NRG4: variants seen among roughly 807,000 people sequenced by gnomAD.
NRG4 encodes the protein pro-neuregulin-4, membrane-bound isoform.
A neutral mutation model predicts 15.0 loss-of-function variants in NRG4; 10 were observed. That is an observed-to-expected ratio of 0.67 (90% CI 0.41 to 1.13). NRG4 has a LOEUF of 1.13. NRG4 is among the 50% of genes most tolerant of loss of function. The pLI, the probability that NRG4 is intolerant of heterozygous loss-of-function variation, is 0.00. For missense variants in NRG4, 139 were observed against 140.2 expected (o/e 0.99, Z 0.04); for synonymous variants, 41 against 50.1 (o/e 0.82, Z 0.77).
chr15:75,955,845 G>A lies in NRG4; in HGVS notation c.331+87C>T, dbSNP rs747661150. ...AGTTTAGGCTCAACCTTTTTTTTCT[G>A]GATAGATCTAAATACAAATCCCTAC... On this transcript the variant is annotated intron_variant, in intron 5 of 5. Coordinates refer to ENST00000394907, the MANE Select transcript of NRG4 (RefSeq NM_138573.4). 260 of 749,062 alleles carry A rather than the reference G, an allele frequency of 3.5e-4. 3 individuals carry two copies. The highest frequency in any genetic ancestry group is 2.4e-3 in the South Asian group (128 of 53,034). 46.4% of individuals were successfully genotyped at this position (749,062 alleles called of 1,614,324 possible).
intron 3 of NRG4, among the ~76,000 whole-genome samples, chr15:75,998,468 C>A (rs1224383949): frequency 1.3e-5 from 2 of 152,054 alleles, no homozygotes; most frequent in Non-Finnish European, 2.9e-5. Context: ...AAAGGCCAGG[C>A]CAACACCTTA....
chr15:76,029,848 C>T (rs2035424815), intron 5 of NRG4, among the ~76,000 whole-genome samples: 1 of 152,134 alleles, frequency 6.6e-6, no homozygotes, highest in Admixed American at 6.6e-5. Context: ...TCATACTACC[C>T]AAGGAAACCT....
chr15:76,052,318 G>A (rs1347392979), intron 3 of NRG4: 1 of 151,124 alleles, frequency 6.6e-6, no homozygotes, highest in Non-Finnish European at 1.5e-5. Flanking sequence ...TTTTTAGTAA[G>A]AAGCAGAAGT....
chr15:76,003,841 G>A (rs2034500548), intron 3 of NRG4, among the ~76,000 whole-genome samples: 1 of 152,018 alleles, frequency 6.6e-6, no homozygotes, highest in South Asian at 2.1e-4. Flanking sequence ...TATCCAACAA[G>A]CAGTCCTTCA....
chr15:76,004,848 C>T lies in NRG4; in HGVS notation c.104+4352G>A, dbSNP rs751244396. Among the ~76,000 whole-genome samples the T allele has an allele frequency of 5.9e-5, 9 of 152,032 alleles. No homozygotes were observed. The South Asian group carries it at 6.2e-4, about 11-fold the overall frequency. Reference sequence around the variant, plus strand: ...ACTAGAGGCATTTTAGATCTAAAGGCACAAATACAGTTGACCCTTGAACGA... The same window carrying T: ...ACTAGAGGCATTTTAGATCTAAAGGTACAAATACAGTTGACCCTTGAACGA... On this transcript the variant is annotated intron_variant, in intron 3 of 5. Coordinates refer to ENST00000394907, the MANE Select transcript of NRG4 (RefSeq NM_138573.4).
intron 5 of NRG4, among the ~76,000 whole-genome samples, chr15:76,026,771 C>A (rs1446619560): frequency 1.3e-5 from 2 of 152,136 alleles, no homozygotes; most frequent in Non-Finnish European, 2.9e-5. Context: ...AATAACCTTG[C>A]ATGCCAATGG....
At chr15:75,979,531 G>A (rs1159012899) in intron 3 of NRG4, among the ~76,000 whole-genome samples, 1 of 152,028 alleles carries the variant, frequency 6.6e-6, no homozygotes, top group Non-Finnish European at 1.5e-5. Flanking sequence ...ATTAAAATCT[G>A]TTATAAAAGT....
intron 4 of NRG4, chr15:75,959,150 TAAA>T: frequency 2.7e-6 from 1 of 372,914 alleles, no homozygotes; most frequent in Non-Finnish European, 5.4e-6. Context: ...CCTGGATAAT[TAAA>T]AAAAAAAATT....
intron 2 of NRG4, among the ~76,000 whole-genome samples, chr15:76,055,214 C>T (rs774926823): frequency 4.6e-5 from 7 of 152,136 alleles, no homozygotes; most frequent in African/African-American, 1.7e-4. Flanking sequence ...ACGGCGGAGG[C>T]GGAGGCTACA....
At position 75,940,963 on chromosome 15, in the gene NRG4, T is replaced by C. The variant is rs2030893534; in HGVS notation, c.*2675A>G. ...GGCAAATTATACTTCATTAAAATTT[T>C]GTGCATCAAAGAACACTATCAACAG... On this transcript the variant is annotated 3_prime_UTR_variant, in exon 6 of 6. Transcript: ENST00000394907. The C allele has an allele frequency of 6.6e-6, 1 of 152,170 alleles. No individual in the cohort carries two copies. The highest frequency in any genetic ancestry group is 6.5e-5 in the Admixed American group (1 of 15,280). 9.4% of individuals were successfully genotyped at this position (152,170 alleles called of 1,614,324 possible). A position where few individuals can be genotyped will look rare whatever the true frequency, so the allele number is the denominator to read the frequency against.
At chr15:76,006,840 C>T (rs1455550586) in intron 3 of NRG4, among the ~76,000 whole-genome samples, 1 of 152,142 alleles carries the variant, frequency 6.6e-6, no homozygotes, top group Non-Finnish European at 1.5e-5. Flanking sequence ...GGTTTCTTTC[C>T]ATTTTAATGA....
At chr15:75,997,990 A>G (rs928949512) in intron 3 of NRG4, among the ~76,000 whole-genome samples, 10 of 152,232 alleles carry the variant, frequency 6.6e-5, no homozygotes, top group African/African-American at 2.4e-4. Flanking sequence ...GGCTAATTCT[A>G]CCCAGAAAAG....
chr15:75,973,421 G>C (rs773860417), intron 3 of NRG4, among the ~76,000 whole-genome samples: 6 of 152,204 alleles, frequency 3.9e-5, no homozygotes, highest in Non-Finnish European at 8.8e-5. Flanking sequence ...GGAGTAGTGA[G>C]AGAGGGCATC....
intron 3 of NRG4, among the ~76,000 whole-genome samples, chr15:75,984,155 TACA>T (rs1232158076): frequency 1.3e-5 from 2 of 152,292 alleles, no homozygotes; most frequent in East Asian, 1.9e-4. Context: ...CCATAGAATG[TACA>T]ACACCATCGG....
At chr15:75,958,255 G>A (rs1001615137) in intron 4 of NRG4, among the ~76,000 whole-genome samples, 28 of 151,932 alleles carry the variant, frequency 1.8e-4, no homozygotes, top group Non-Finnish European at 2.5e-4. Flanking sequence ...CTTGTGATCC[G>A]CCCTCCTCGG....
rs2035823160 is a variant in NRG4, at chr15:76,044,537, C to T, written c.-105+7530G>A. ...AAACTCTCTAGGACATTGGAGTGGGCAAAGATTTCTTGAGTAGGCCGGGTG... is the reference window on the plus strand; with the variant it reads ...AAACTCTCTAGGACATTGGAGTGGGTAAAGATTTCTTGAGTAGGCCGGGTG... On this transcript the variant is annotated intron_variant, in intron 4 of 8. Coordinates refer to the NRG4 transcript ENST00000563910. 1.3e-5 allele frequency among the ~76,000 whole-genome samples: 2 copies of T among 150,076 alleles called. 1 individual carries two copies. Among genetic ancestry groups the T allele is most frequent in the African/African-American group, 5.0e-5 (2 of 40,028 alleles).
rs551065695 is a variant in NRG4, at chr15:75,954,259, T to G, written c.331+1673A>C. On this transcript the variant is annotated intron_variant, in intron 5 of 5. Transcript: ENST00000394907. ...GCTGTTAATACCATCCAGTTTTTGT[T>G]TTTTTGTTTTTTTTTTTTTGATCTC... 9.5e-3 allele frequency among the ~76,000 whole-genome samples: 1,420 copies of G among 149,296 alleles called. 21 individuals carry two copies. Among genetic ancestry groups the G allele is most frequent in the African/African-American group, 0.032 (1,275 of 39,822 alleles).
At chr15:76,043,546 C>A (rs2035796261) in intron 4 of NRG4, among the ~76,000 whole-genome samples, 1 of 152,078 alleles carries the variant, frequency 6.6e-6, no homozygotes, top group South Asian at 2.1e-4. Flanking sequence ...ATCCCATTTA[C>A]AATAGCTACA....
chr15:76,002,033 A>G (rs1224055487), intron 3 of NRG4, among the ~76,000 whole-genome samples: 1 of 152,232 alleles, frequency 6.6e-6, no homozygotes, highest in Non-Finnish European at 1.5e-5. Flanking sequence ...AGAAAGGATA[A>G]ATGAAATCTC....
Sources: gnomAD v4.1 joint callset for allele counts (sites outside exome capture counted in the v4.1 genomes callset) on GRCh38, gnomAD v4.1.1 for gene constraint, MANE v1.5 for transcripts, NCBI Gene and HGNC (gene_info 2026-07-23, HGNC 2026-07-21) for gene names.